Variants in BBS9 observed in about 807,000 individuals in gnomAD.
BBS9 encodes the protein protein PTHB1.
A neutral mutation model predicts 117.7 loss-of-function variants in BBS9; 89 were observed. The ratio of observed to expected loss-of-function variants is 0.76; its 90% CI spans 0.64 to 0.90. The LOEUF is 0.90. Ranked by LOEUF, BBS9 falls within the 40% of genes least tolerant of loss-of-function variation. The pLI is 0.00. For synonymous variants in BBS9, 379 were observed against 370.9 expected (o/e 1.02, Z -0.25); for missense variants, 982 against 1,042.2 (o/e 0.94, Z 0.80).
chr7:33,306,429 G>A (rs1807983343), intron 9 of BBS9, among the ~76,000 whole-genome samples: 2 of 151,972 alleles, frequency 1.3e-5, no homozygotes, highest in Non-Finnish European at 2.9e-5. Context: ...TGTTACTCAG[G>A]ACAAGAACAT....
At chr7:33,289,422 GATAA>G (rs1803558845) in intron 9 of BBS9, among the ~76,000 whole-genome samples, 1 of 152,162 alleles carries the variant, frequency 6.6e-6, no homozygotes. Flanking sequence ...AAAAATGAAA[GATAA>G]ATTATTAAGT....
intron 21 of BBS9, among the ~76,000 whole-genome samples, chr7:33,620,711 C>T (rs923762840): frequency 1.2e-4 from 18 of 152,220 alleles, no homozygotes; most frequent in African/African-American, 3.6e-4. Flanking sequence ...ATTCCAGTGA[C>T]GTTTTTCACA....
At chr7:33,321,291 A>T (rs1390662319) in intron 9 of BBS9, among the ~76,000 whole-genome samples, 3 of 151,904 alleles carry the variant, frequency 2.0e-5, no homozygotes, top group East Asian at 3.8e-4. Context: ...TAGTATTTTG[A>T]TAGGGATTGA....
At chr7:33,527,400 A>G (rs1348948924) in intron 20 of BBS9, among the ~76,000 whole-genome samples, 1 of 149,798 alleles carries the variant, frequency 6.7e-6, no homozygotes. Context: ...AATCAGCGAG[A>G]CTCCGTGGGC....
intron 5 of BBS9, among the ~76,000 whole-genome samples, chr7:33,215,655 AC>A (rs1326631531): frequency 6.6e-6 from 1 of 152,176 alleles, no homozygotes; most frequent in African/African-American, 2.4e-5. Context: ...ACACACACAC[AC>A]AGGAATATTA....
chr7:33,571,994 C>T (rs78790542), intron 21 of BBS9, among the ~76,000 whole-genome samples: 2,909 of 151,940 alleles, frequency 0.019, 44 homozygotes, highest in Non-Finnish European at 0.024. Context: ...TTATTGTTAG[C>T]TATAGTCTTT....
intron 5 of BBS9, among the ~76,000 whole-genome samples, chr7:33,184,332 C>T (rs900993067): frequency 6.6e-6 from 1 of 152,140 alleles, no homozygotes; most frequent in African/African-American, 2.4e-5. Flanking sequence ...CTCCCCATGT[C>T]CGGTGATCCT....
chr7:33,513,036 G>T (rs1847203550), intron 20 of BBS9, among the ~76,000 whole-genome samples: 1 of 152,122 alleles, frequency 6.6e-6, no homozygotes, highest in African/African-American at 2.4e-5. Context: ...TTTGGCCCCT[G>T]TTCAGATTGA....
intron 17 of BBS9, among the ~76,000 whole-genome samples, chr7:33,374,836 G>A (rs1823531014): frequency 1.3e-5 from 2 of 149,546 alleles, no homozygotes; most frequent in South Asian, 4.2e-4. Context: ...GCCAGACGGA[G>A]GTTGCAGTGA....
chr7:33,366,316 G>A (rs1821705033), intron 16 of BBS9, among the ~76,000 whole-genome samples: 1 of 152,036 alleles, frequency 6.6e-6, no homozygotes. Context: ...CCATCTGTAG[G>A]CATCTTAGGT....
chr7:33,235,735 CAA>C (rs1793350544), intron 5 of BBS9, among the ~76,000 whole-genome samples: 1 of 152,064 alleles, frequency 6.6e-6, no homozygotes, highest in African/African-American at 2.4e-5. Flanking sequence ...ACTAAAGATT[CAA>C]AGTCACTGAG....
chr7:33,437,624 A>C (rs897572907), intron 19 of BBS9, among the ~76,000 whole-genome samples: 6 of 152,320 alleles, frequency 3.9e-5, no homozygotes, highest in Non-Finnish European at 8.8e-5. Context: ...CTGTAATCCC[A>C]GCACTTTGGG....
At chr7:33,448,960 C>T (rs954056670) in intron 19 of BBS9, among the ~76,000 whole-genome samples, 4 of 152,208 alleles carry the variant, frequency 2.6e-5, no homozygotes, top group African/African-American at 9.7e-5. Flanking sequence ...TTATTACCTG[C>T]ATTTTGCAGT....
intron 21 of BBS9, among the ~76,000 whole-genome samples, chr7:33,600,399 G>GTT (rs5883410): frequency 2.7e-5 from 4 of 148,114 alleles, no homozygotes; most frequent in Non-Finnish European, 4.5e-5. Context: ...TGAAAAGCAA[G>GTT]TTTTTTTTTT....
At chr7:33,263,568 T>C (rs1243395174) in intron 6 of BBS9, among the ~76,000 whole-genome samples, 1 of 152,154 alleles carries the variant, frequency 6.6e-6, no homozygotes, top group Non-Finnish European at 1.5e-5. Context: ...AATGCCACTA[T>C]TGAAATAGAA....
In BBS9 at chr7:33,257,372, C is replaced by T. The variant is rs1259151771; in HGVS notation, c.579C>T (p.Phe193=). The change falls in exon 6 of 23, where the codon TTC becomes TTT. Residue 193 remains phenylalanine, a synonymous_variant. Coordinates refer to ENST00000242067, the MANE Select transcript of BBS9 (RefSeq NM_198428.3). ...CCTACAGTTCCCGTACAGATTCCTT[C>T]CTTACTGTCTCTTCCTGCCAACAAG... The part of the protein sequence containing the change: ...PLAYSSRTDS[F]LTVSSCQQVE... 6.2e-7 allele frequency: 1 copy of T among 1,613,904 alleles called. No individual in the cohort carries two copies. The highest frequency in any genetic ancestry group is 8.5e-7 in the Non-Finnish European group (1 of 1,179,912).
chr7:33,335,876 C>G (rs1235219195), intron 9 of BBS9, among the ~76,000 whole-genome samples: 3 of 151,936 alleles, frequency 2.0e-5, no homozygotes, highest in Non-Finnish European at 2.9e-5. Flanking sequence ...GGAAAGAGGG[C>G]AAACATGAAT....
intron 21 of BBS9, among the ~76,000 whole-genome samples, chr7:33,569,407 G>GTGTGTGTATATATATATATATA (rs200044450): frequency 2.0e-5 from 3 of 149,502 alleles, no homozygotes; most frequent in Non-Finnish European, 4.5e-5. Context: ...ATACAGATGT[G>GTGTGTGTATATATATATATATA]TATATATATA....
chr7:33,144,541 G>A lies in BBS9; in HGVS notation c.-11-1701G>A, dbSNP rs565873665. Reference sequence around the variant, plus strand: ...GCTTTCTTGTTTCAGTTCTCATACCGTAAACAAGTGTCCTTTCATGGTCTA... The same window carrying A: ...GCTTTCTTGTTTCAGTTCTCATACCATAAACAAGTGTCCTTTCATGGTCTA... On this transcript the variant is annotated intron_variant, in intron 1 of 22. Transcript: ENST00000242067. Among the ~76,000 whole-genome samples, 14 of 152,274 alleles carry A rather than the reference G, an allele frequency of 9.2e-5. No homozygotes were observed. In the East Asian group the frequency reaches 9.6e-4, roughly 10 times the overall value.
Sources: gnomAD v4.1 joint callset for allele counts (sites outside exome capture counted in the v4.1 genomes callset) on GRCh38, gnomAD v4.1.1 for gene constraint, MANE v1.5 for transcripts, NCBI Gene and HGNC (gene_info 2026-07-23, HGNC 2026-07-21) for gene names.